EXOC1L: variants seen among roughly 807,000 people sequenced by gnomAD.
EXOC1L encodes the protein exocyst complex component 1 like.
EXOC1L carries 10 observed loss-of-function variants against 4.9 expected under a neutral mutation model. The ratio of observed to expected loss-of-function variants is 2.02; its 90% CI spans 1.25 to 3.43. The LOEUF (loss-of-function observed/expected upper bound fraction) is 3.43, where lower values mean the gene tolerates loss of function less well. EXOC1L is among the 30% of genes most tolerant of loss of function. The pLI is 0.00. For missense variants in EXOC1L, 114 were observed against 59.4 expected (o/e 1.92, Z -3.02); for synonymous variants, 41 against 20.8 (o/e 1.97, Z -2.63).
At chr4:55,828,850 AAAAC>A (rs372951187) in intron 1 of EXOC1L, among the ~76,000 whole-genome samples, 105 of 152,070 alleles carry the variant, frequency 6.9e-4, no homozygotes, top group African/African-American at 8.7e-4. Flanking sequence ...TTCAAAATGA[AAAAC>A]AAACAAACAA....
intron 2 of EXOC1L, among the ~76,000 whole-genome samples, chr4:55,833,350 T>C (rs754438699): frequency 4.0e-5 from 6 of 151,880 alleles, no homozygotes; most frequent in Non-Finnish European, 5.9e-5. Context: ...GAAATATGAA[T>C]CTTAATGTTT....
chr4:55,835,633 G>T (rs1349032696), intron 2 of EXOC1L, among the ~76,000 whole-genome samples: 1 of 151,820 alleles, frequency 6.6e-6, no homozygotes, highest in Non-Finnish European at 1.5e-5. Flanking sequence ...TTTCATGTTT[G>T]TTGGCCATTT....
At chr4:55,832,139 A>G (rs74796992) in intron 2 of EXOC1L, among the ~76,000 whole-genome samples, 4,722 of 152,066 alleles carry the variant, frequency 0.031, 132 homozygotes, top group Admixed American at 0.079. Flanking sequence ...TCATTATGGC[A>G]TGGGTGGAAA....
At chr4:55,832,684 C>A (rs889802084) in intron 2 of EXOC1L, among the ~76,000 whole-genome samples, 12 of 151,956 alleles carry the variant, frequency 7.9e-5, no homozygotes, top group Non-Finnish European at 1.6e-4. Flanking sequence ...TTCCATTTTA[C>A]ACATGAAGAA....
intron 1 of EXOC1L, among the ~76,000 whole-genome samples, chr4:55,825,255 C>G (rs574585803): frequency 6.6e-6 from 1 of 152,258 alleles, no homozygotes; most frequent in South Asian, 2.1e-4. Context: ...TAGTCCAAGG[C>G]CCACAGGTCA....
chr4:55,826,621 A>G (rs1719893070), intron 1 of EXOC1L, among the ~76,000 whole-genome samples: 1 of 152,246 alleles, frequency 6.6e-6, no homozygotes. Flanking sequence ...CTCTGATGTT[A>G]CTGAAAACAA....
chr4:55,837,159 C>G lies in EXOC1L; in HGVS notation c.327C>G (p.Ala109=), dbSNP rs764629749. 2.3e-5 allele frequency: 16 copies of G among 702,012 alleles called. No individual in the cohort carries two copies. Among genetic ancestry groups the G allele is most frequent in the Non-Finnish European group, 4.2e-5 (16 of 384,322 alleles). 43.5% of individuals were successfully genotyped at this position (702,012 alleles called of 1,614,324 possible). A position where few individuals can be genotyped will look rare whatever the true frequency, so the allele number is the denominator to read the frequency against. The change falls in exon 3 of 3, where the codon GCC becomes GCG. Residue 109 remains alanine (A), a synonymous_variant. Coordinates refer to ENST00000636125, the MANE Select transcript of EXOC1L (RefSeq NM_001351574.3). ...CATATAGCTGTGCTTCTAAATATGC[C>G]TTTGCTCGAACTGTAAATAAGCTGA... ...LEAYSCASKY[A]FARTVNKLNH... is the part of the protein sequence containing the mutation.
intron 2 of EXOC1L, among the ~76,000 whole-genome samples, chr4:55,833,611 C>A (rs891752133): frequency 6.6e-6 from 1 of 151,796 alleles, no homozygotes; most frequent in Non-Finnish European, 1.5e-5. Context: ...AATCTTTGAC[C>A]CATTTTTCTT....
At chr4:55,825,609 G>A (rs560264148) in intron 1 of EXOC1L, among the ~76,000 whole-genome samples, 17 of 151,962 alleles carry the variant, frequency 1.1e-4, no homozygotes, top group African/African-American at 3.9e-4. Context: ...CTTCTCTCTT[G>A]GTGCTTCTAT....
chr4:55,834,756 C>T (rs555965781), intron 2 of EXOC1L, among the ~76,000 whole-genome samples: 2 of 151,562 alleles, frequency 1.3e-5, no homozygotes, highest in African/African-American at 4.8e-5. Flanking sequence ...TATAAAAGTG[C>T]TGCGCTTAAA....
intron 1 of EXOC1L, among the ~76,000 whole-genome samples, chr4:55,825,120 G>A (rs1719847977): frequency 1.3e-5 from 2 of 152,158 alleles, no homozygotes; most frequent in Admixed American, 1.3e-4. Context: ...CTGAGTGTCA[G>A]GCACAAGTCC....
chr4:55,822,339 A>C (rs112396477), intron 1 of EXOC1L, among the ~76,000 whole-genome samples: 2,188 of 152,274 alleles, frequency 0.014, 50 homozygotes, highest in African/African-American at 0.049. Context: ...CTGGTTTGCT[A>C]GGATGTACAT....
intron 1 of EXOC1L, among the ~76,000 whole-genome samples, chr4:55,824,512 G>A (rs959990643): frequency 2.6e-5 from 4 of 151,946 alleles, no homozygotes; most frequent in African/African-American, 7.3e-5. Context: ...ACAGTCATGC[G>A]CCACTATGCC....
At chr4:55,829,697 T>A (rs13127653) in intron 1 of EXOC1L, among the ~76,000 whole-genome samples, 5,036 of 152,292 alleles carry the variant, frequency 0.033, 128 homozygotes, top group Non-Finnish European at 0.052. Context: ...TCATCAACTC[T>A]CAGCTCAACT....
chr4:55,828,470 C>T (rs1033905676), intron 1 of EXOC1L, among the ~76,000 whole-genome samples: 3 of 152,166 alleles, frequency 2.0e-5, no homozygotes, highest in Non-Finnish European at 4.4e-5. Flanking sequence ...CCTTCTCAGA[C>T]GTCTTTCCTG....
At chr4:55,820,873 C>G (rs890448604) in intron 1 of EXOC1L, among the ~76,000 whole-genome samples, 2 of 152,130 alleles carry the variant, frequency 1.3e-5, no homozygotes, top group Non-Finnish European at 2.9e-5. Flanking sequence ...TATGATTTGC[C>G]TAACCTGTGA....
intron 2 of EXOC1L, among the ~76,000 whole-genome samples, chr4:55,833,200 G>T (rs1271995810): frequency 6.6e-6 from 1 of 151,718 alleles, no homozygotes; most frequent in African/African-American, 2.4e-5. Context: ...ATATTATACA[G>T]CCATTATAAA....
At chr4:55,823,059 T>G (rs907336959) in intron 1 of EXOC1L, among the ~76,000 whole-genome samples, 7 of 151,584 alleles carry the variant, frequency 4.6e-5, no homozygotes, top group African/African-American at 1.5e-4. Context: ...TATATTCAGA[T>G]GTTGATTATT....
At chr4:55,820,601 C>G (rs1719716023) in intron 1 of EXOC1L, among the ~76,000 whole-genome samples, 1 of 152,156 alleles carries the variant, frequency 6.6e-6, no homozygotes, top group South Asian at 2.1e-4. Flanking sequence ...AGGAAAAAAA[C>G]AAAGCCTTAG....
Sources: allele counts gnomAD v4.1 joint callset (sites outside exome capture counted in the v4.1 genomes callset), GRCh38; gene constraint gnomAD v4.1.1; transcripts MANE v1.5; gene names NCBI Gene and HGNC (gene_info 2026-07-23, HGNC 2026-07-21).